The following FOXO3 variants were observed in gnomAD, a reference collection of about 807,000 sequenced individuals.
FOXO3 encodes forkhead box O3, also known as forkhead box protein O3.
In FOXO3, 4 loss-of-function variants were observed where a neutral mutation model predicts 41.9. That is an observed-to-expected ratio of 0.10 (90% CI 0.05 to 0.22). The LOEUF is 0.22. Among genes scored for constraint, FOXO3 ranks in the 10% least tolerant of loss-of-function variants. FOXO3 has a pLI of 1.00. For missense variants in FOXO3, 534 were observed against 906.8 expected (o/e 0.59, Z 5.28); for synonymous variants, 318 against 389.3 (o/e 0.82, Z 2.16).
intron 1 of FOXO3, among the ~76,000 whole-genome samples, chr6:108,597,804 T>C (rs550816303): frequency 6.6e-6 from 1 of 152,324 alleles, no homozygotes; most frequent in South Asian, 2.1e-4. Context: ...TATTTCATGT[T>C]TCCTCTAATT....
At chr6:108,609,664 T>C (rs1193031149) in intron 1 of FOXO3, among the ~76,000 whole-genome samples, 1 of 152,196 alleles carries the variant, frequency 6.6e-6, no homozygotes, top group Non-Finnish European at 1.5e-5. Context: ...GTGGATCGCT[T>C]TTAAGGCTAA....
chr6:108,665,915 A>T (rs1310333901), intron 2 of FOXO3, among the ~76,000 whole-genome samples: 1 of 151,968 alleles, frequency 6.6e-6, no homozygotes, highest in African/African-American at 2.4e-5. Flanking sequence ...ACTATAAATG[A>T]TATCAGCAGT....
intron 1 of FOXO3, among the ~76,000 whole-genome samples, chr6:108,635,952 C>T (rs1269630393): frequency 6.6e-6 from 1 of 152,152 alleles, no homozygotes; most frequent in Non-Finnish European, 1.5e-5. Flanking sequence ...TAAGACTTCT[C>T]AGAAAAAAAG....
intron 1 of FOXO3, among the ~76,000 whole-genome samples, chr6:108,587,741 TCA>T (rs1455550178): frequency 3.9e-5 from 6 of 152,240 alleles, no homozygotes; most frequent in African/African-American, 1.4e-4. Flanking sequence ...TTAATTTTTC[TCA>T]CAGAGGTTAT....
chr6:108,572,069 C>T (rs1007165894), intron 1 of FOXO3, among the ~76,000 whole-genome samples: 1 of 152,130 alleles, frequency 6.6e-6, no homozygotes, highest in Non-Finnish European at 1.5e-5. Flanking sequence ...TGTCCTTCCC[C>T]CTAGTCCCCC....
chr6:108,675,970 C>T (rs1186789192), intron 2 of FOXO3, among the ~76,000 whole-genome samples: 1 of 152,146 alleles, frequency 6.6e-6, no homozygotes, highest in African/African-American at 2.4e-5. Flanking sequence ...GGAGGCATTT[C>T]CCTTTCTTAG....
intron 1 of FOXO3, among the ~76,000 whole-genome samples, chr6:108,626,263 A>G (rs1777811870): frequency 1.3e-5 from 2 of 152,196 alleles, no homozygotes; most frequent in Admixed American, 1.3e-4. Flanking sequence ...CAGTTGGCCC[A>G]GACTCATTGG....
chr6:108,609,092 G>C (rs1450651721), intron 1 of FOXO3, among the ~76,000 whole-genome samples: 3 of 152,198 alleles, frequency 2.0e-5, no homozygotes, highest in Non-Finnish European at 4.4e-5. Context: ...ACATGATGTA[G>C]AAGAGGTTAT....
At chr6:108,674,523 A>G (rs1352896158) in intron 2 of FOXO3, among the ~76,000 whole-genome samples, 1 of 152,220 alleles carries the variant, frequency 6.6e-6, no homozygotes, top group Non-Finnish European at 1.5e-5. Flanking sequence ...TAGGAGCTCA[A>G]AGTCCCTGAA....
At chr6:108,675,006 C>T (rs55680912) in intron 2 of FOXO3, among the ~76,000 whole-genome samples, 1 of 152,020 alleles carries the variant, frequency 6.6e-6, no homozygotes, top group African/African-American at 2.4e-5. Flanking sequence ...CAATACCTGT[C>T]ATATTTCTGC....
At chr6:108,598,260 C>G (rs1275325306) in intron 1 of FOXO3, among the ~76,000 whole-genome samples, 1 of 152,144 alleles carries the variant, frequency 6.6e-6, no homozygotes, top group Non-Finnish European at 1.5e-5. Context: ...TCTTTCTGTT[C>G]TTTGTAGAAT....
chr6:108,627,882 G>T (rs1055264989), intron 1 of FOXO3, among the ~76,000 whole-genome samples: 1 of 152,088 alleles, frequency 6.6e-6, no homozygotes, highest in African/African-American at 2.4e-5. Context: ...TGGTTTGCTG[G>T]TCTGTTAGAG....
At chr6:108,604,534 T>C (rs1327527920) in intron 1 of FOXO3, among the ~76,000 whole-genome samples, 1 of 152,208 alleles carries the variant, frequency 6.6e-6, no homozygotes, top group African/African-American at 2.4e-5. Context: ...GACACTGACA[T>C]TTGTGAACAA....
chr6:108,676,641 C>T (rs1770604809), intron 2 of FOXO3, among the ~76,000 whole-genome samples: 1 of 152,218 alleles, frequency 6.6e-6, no homozygotes, highest in African/African-American at 2.4e-5. Context: ...ATACTTTAAA[C>T]TATTTAAGAA....
chr6:108,624,320 A>G (rs1053741435), intron 1 of FOXO3, among the ~76,000 whole-genome samples: 3 of 152,146 alleles, frequency 2.0e-5, no homozygotes, highest in Non-Finnish European at 4.4e-5. Context: ...GTTAAAAAAA[A>G]AAAAACCTCT....
intron 1 of FOXO3, among the ~76,000 whole-genome samples, chr6:108,593,485 C>A (rs927498273): frequency 2.0e-5 from 3 of 151,362 alleles, no homozygotes; most frequent in South Asian, 2.1e-4. Context: ...TCAAGTGATT[C>A]TCCTGCTTCA....
At chr6:108,615,973 A>G (rs928883740) in intron 1 of FOXO3, among the ~76,000 whole-genome samples, 8 of 150,574 alleles carry the variant, frequency 5.3e-5, no homozygotes, top group Non-Finnish European at 8.9e-5. Context: ...TTCTTACTAC[A>G]TAGAGTATAT....
Position 108,675,273 on chromosome 6 carries a change from A to G in FOXO3, c.*35-4554A>G, listed in dbSNP as rs1301683691. The stretch of plus-strand genomic sequence containing the variant: ...TCAGCTATGAAGTATGAGGATGGCT[A>G]CCTCTCTCCCTGTGTCTCCCTTGGG... On this transcript the variant is annotated intron_variant, in intron 2 of 2. Coordinates refer to ENST00000406360, the MANE Select transcript of FOXO3 (RefSeq NM_001455.4). Among the ~76,000 whole-genome samples the G allele has an allele frequency of 2.6e-5, 4 of 152,116 alleles. No homozygotes were observed. In the East Asian group the frequency reaches 7.7e-4, roughly 29 times the overall value.
chr6:108,582,422 C>G (rs749086516), intron 1 of FOXO3, among the ~76,000 whole-genome samples: 1 of 152,232 alleles, frequency 6.6e-6, no homozygotes, highest in Non-Finnish European at 1.5e-5. Context: ...AGTAACATCC[C>G]TTTGCTCAGT....
Sources: gnomAD v4.1 joint callset for allele counts (sites outside exome capture counted in the v4.1 genomes callset) on GRCh38, gnomAD v4.1.1 for gene constraint, MANE v1.5 for transcripts, NCBI Gene and HGNC (gene_info 2026-07-23, HGNC 2026-07-21) for gene names.